Variants in STARD13 observed in about 807,000 individuals in gnomAD.
STARD13 encodes the protein stAR-related lipid transfer protein 13.
In STARD13, 62 loss-of-function variants were observed where a neutral mutation model predicts 106.4. That is an observed-to-expected ratio of 0.58 (90% CI 0.48 to 0.72). The LOEUF (loss-of-function observed/expected upper bound fraction) is 0.72, where lower values mean the gene tolerates loss of function less well. Among genes scored for constraint, STARD13 ranks in the 30% least tolerant of loss-of-function variants. The pLI is 0.00. For missense variants in STARD13, 1,387 were observed against 1,424.0 expected (o/e 0.97, Z 0.42); for synonymous variants, 565 against 553.0 (o/e 1.02, Z -0.31).
rs1877886138 is a variant in STARD13 at position 33,129,589 on chromosome 13, T to G, written c.1088A>C (p.Tyr363Ser). The change falls in exon 5 of 14, where the codon TAC becomes TCC. Residue 363 changes from tyrosine (Y) to serine (S), a missense_variant. Tyr to Ser is a moderately radical substitution (Grantham distance 144, BLOSUM62 -2). Coordinates refer to ENST00000336934, the MANE Select transcript of STARD13 (RefSeq NM_178006.4). ...CGCCAGCACATCTAGGTCCTCCAAG[T>G]ACATGCCCCCGCGCTTGTTGGCCTC... is the stretch of plus-strand genomic sequence containing the variant. ...CHEANKRGGMYLEDLDVLAGT... is the reference protein window; with the variant it reads ...CHEANKRGGMSLEDLDVLAGT... The G allele has an allele frequency of 6.2e-7, 1 of 1,614,114 alleles. No homozygotes were observed. The highest frequency in any genetic ancestry group is 8.5e-7 in the Non-Finnish European group (1 of 1,180,034).
the STARD13 span, among the ~76,000 whole-genome samples, chr13:33,355,941 A>G: frequency 6.6e-6 from 1 of 152,250 alleles, no homozygotes; most frequent in Non-Finnish European, 1.5e-5. Flanking sequence ...ATTTAGTGTT[A>G]GCTGTAAGCT....
At chr13:33,254,647 A>C (rs1014474368) in intron 1 of STARD13, among the ~76,000 whole-genome samples, 1 of 152,186 alleles carries the variant, frequency 6.6e-6, no homozygotes, top group Non-Finnish European at 1.5e-5. Context: ...CCCAGGCTCC[A>C]GAAGCAGACC....
At chr13:33,214,810 A>C (rs1887935819) in intron 1 of STARD13, among the ~76,000 whole-genome samples, 1 of 151,844 alleles carries the variant, frequency 6.6e-6, no homozygotes. Context: ...AACAACCAGA[A>C]TGTGCTTCAA....
chr13:33,153,460 C>T (rs866644683), intron 3 of STARD13, among the ~76,000 whole-genome samples: 2 of 152,238 alleles, frequency 1.3e-5, no homozygotes, highest in South Asian at 2.1e-4. Flanking sequence ...ACCAGAGAAA[C>T]GCTGGGCGAC....
At chr13:33,310,452 C>T (rs1893088173) in intron 1 of STARD13, among the ~76,000 whole-genome samples, 2 of 152,036 alleles carry the variant, frequency 1.3e-5, no homozygotes, top group Admixed American at 6.6e-5. Flanking sequence ...GTAATTATAT[C>T]ATTGAAGGCA....
the STARD13 span, among the ~76,000 whole-genome samples, chr13:33,408,832 C>T: frequency 6.6e-6 from 1 of 152,120 alleles, no homozygotes; most frequent in Non-Finnish European, 1.5e-5. Flanking sequence ...TACCTTGAGG[C>T]ATTTGCCAGT....
the STARD13 span, among the ~76,000 whole-genome samples, chr13:33,384,932 A>T: frequency 0.041 from 6,260 of 151,862 alleles, 421 homozygotes; most frequent in African/African-American, 0.14. Context: ...ATAGAAAGAG[A>T]CTCCAAAGAA....
At chr13:33,539,703 C>A in the STARD13 span, among the ~76,000 whole-genome samples, 1 of 152,234 alleles carries the variant, frequency 6.6e-6, no homozygotes, top group South Asian at 2.1e-4. Context: ...ATTATTGTGC[C>A]ATACTAAAAA....
chr13:33,465,727 C>A, the STARD13 span, among the ~76,000 whole-genome samples: 12 of 152,084 alleles, frequency 7.9e-5, no homozygotes, highest in African/African-American at 2.4e-4. Context: ...AGAGGCATTC[C>A]AGACTGGCTA....
the STARD13 span, among the ~76,000 whole-genome samples, chr13:33,649,603 TG>T: frequency 4.9e-4 from 75 of 152,324 alleles, 1 homozygote; most frequent in African/African-American, 1.8e-3. Context: ...GCCTGTCACA[TG>T]ATAGGTTCAA....
chr13:33,433,686 C>T, the STARD13 span, among the ~76,000 whole-genome samples: 1 of 152,152 alleles, frequency 6.6e-6, no homozygotes, highest in African/African-American at 2.4e-5. Flanking sequence ...TTACAAGGAA[C>T]ATTCAAAGGA....
the STARD13 span, among the ~76,000 whole-genome samples, chr13:33,409,711 T>C: frequency 2.0e-5 from 3 of 152,228 alleles, no homozygotes; most frequent in African/African-American, 7.2e-5. Context: ...TTATGGGCAG[T>C]GGAAGTTAGC....
In STARD13 at chr13:33,130,643, C is replaced by A. The variant is rs542584661; in HGVS notation, c.388-354G>T. 6.6e-6 allele frequency among the ~76,000 whole-genome samples: 1 copy of A among 152,340 alleles called. No homozygotes were observed. Among genetic ancestry groups the A allele is most frequent in the Non-Finnish European group, 1.5e-5 (1 of 68,030 alleles). ...AGACGGTCTAAATATAAAGCACCTGCAGTCTTCTTTTTCACAAAGGAACTC... is the reference window on the plus strand; with the variant it reads ...AGACGGTCTAAATATAAAGCACCTGAAGTCTTCTTTTTCACAAAGGAACTC... On this transcript the variant is annotated intron_variant, in intron 4 of 13. Transcript: ENST00000336934. The surrounding 1 kb of genome is among the most constrained non-coding windows in gnomAD (Gnocchi z 4.1).
chr13:33,597,325 GT>G, the STARD13 span, among the ~76,000 whole-genome samples: 3 of 150,762 alleles, frequency 2.0e-5, no homozygotes, highest in Non-Finnish European at 4.4e-5. Context: ...GGTCATTTAT[GT>G]TTTCTTTTGA....
Position 33,187,443 on chromosome 13 carries a change from A to G in STARD13, c.170-19821T>C, listed in dbSNP as rs1885872912. Among the ~76,000 whole-genome samples, 2 of 152,190 alleles carry G rather than the reference A, an allele frequency of 1.3e-5. 1 individual carries two copies. The highest frequency in any genetic ancestry group is 4.1e-4 in the South Asian group (2 of 4,826). The stretch of plus-strand genomic sequence containing the variant: ...GGAGAGTGAAAGAAATAAAAAGCAA[A>G]TTCATCAGTCTTACATTTATGAAAA... On this transcript the variant is annotated intron_variant, in intron 1 of 13. Transcript: ENST00000336934.
At chr13:33,477,177 C>A in the STARD13 span, among the ~76,000 whole-genome samples, 3 of 152,160 alleles carry the variant, frequency 2.0e-5, no homozygotes, top group Non-Finnish European at 4.4e-5. Context: ...TGGCTAATTG[C>A]TACAAGTCAA....
chr13:33,130,042 G>A lies in STARD13; in HGVS notation c.635C>T (p.Pro212Leu), dbSNP rs142280038. ...CGGGTTGTCTGTACAGCACTGGCCC[G>A]GCTGGCTGCGACTGTCGCTGCCTCC... ...SSGGSDSRSQ[P>L]GQCCTDNPVM... The change falls in exon 5 of 14, where the codon CCG becomes CTG. Residue 212 changes from proline (P) to leucine (L), a missense_variant. Coordinates refer to ENST00000336934, the MANE Select transcript of STARD13 (RefSeq NM_178006.4). The surrounding 1 kb of genome is among the most constrained non-coding windows in gnomAD (Gnocchi z 4.1). 1,058 of 1,613,562 alleles carry A rather than the reference G, an allele frequency of 6.6e-4. 9 individuals carry two copies. In the African/African-American group the frequency reaches 0.011, roughly 17 times the overall value.
At chr13:33,215,494 G>A (rs928703399) in intron 1 of STARD13, among the ~76,000 whole-genome samples, 1 of 152,064 alleles carries the variant, frequency 6.6e-6, no homozygotes, top group African/African-American at 2.4e-5. Context: ...TTTTTACTCT[G>A]TTCTTTTGAT....
rs577494169 is a variant in STARD13, at chr13:33,341,350, C to T, written c.124+8940G>A. On this transcript the variant is annotated intron_variant, in intron 1 of 5. Transcript: ENST00000567873. ...TTCTGCGGTCCTCTCAAGAAATTTC[C>T]GTGAACGGCATGGCGCGGTGCCTCA... 1.6e-4 allele frequency among the ~76,000 whole-genome samples: 25 copies of T among 152,154 alleles called. No individual in the cohort carries two copies. In the South Asian group the frequency reaches 3.9e-3, roughly 24 times the overall value.
Sources: allele counts gnomAD v4.1 joint callset (sites outside exome capture counted in the v4.1 genomes callset), GRCh38; gene constraint gnomAD v4.1.1; non-coding constraint Gnocchi (gnomAD v3.1); transcripts MANE v1.5; gene names NCBI Gene and HGNC (gene_info 2026-07-23, HGNC 2026-07-21).